TDRD10: variants seen among roughly 807,000 people sequenced by gnomAD.
TDRD10 encodes tudor domain containing 10.
Under a neutral mutation model 48.0 loss-of-function variants are expected in TDRD10, and 40 were observed. That is an observed-to-expected ratio of 0.83 (90% CI 0.65 to 1.09). TDRD10 has a LOEUF of 1.09. Among genes scored for constraint, TDRD10 ranks in the 50% least tolerant of loss-of-function variants. TDRD10 has a pLI of 0.00. For synonymous variants in TDRD10, 162 were observed against 170.4 expected, an observed-to-expected ratio of 0.95 and a Z score of 0.38; for missense variants, 378 against 434.7, an observed-to-expected ratio of 0.87 and a Z score of 1.16.
chr1:154,518,750 C>T (rs1693902339), intron 4 of TDRD10, among the ~76,000 whole-genome samples: 2 of 152,072 alleles, frequency 1.3e-5, no homozygotes, highest in South Asian at 2.1e-4. Context: ...GTACTTCATG[C>T]GTTGAAGGCC....
intron 6 of TDRD10, among the ~76,000 whole-genome samples, chr1:154,530,783 C>T (rs1036690739): frequency 4.0e-5 from 6 of 151,812 alleles, no homozygotes; most frequent in Non-Finnish European, 5.9e-5. Flanking sequence ...TTCCAGTCAC[C>T]GGTTCTTTCT....
intron 6 of TDRD10, among the ~76,000 whole-genome samples, chr1:154,522,184 A>G (rs1217710317): frequency 6.6e-6 from 1 of 152,102 alleles, no homozygotes; most frequent in Non-Finnish European, 1.5e-5. Flanking sequence ...CAGGGTTGCT[A>G]TATGGTGGTA....
chr1:154,512,708 T>C (rs1211480549), intron 4 of TDRD10, among the ~76,000 whole-genome samples: 1 of 152,226 alleles, frequency 6.6e-6, no homozygotes, highest in South Asian at 2.1e-4. Context: ...GGAGCTCTGA[T>C]TACCCAGTAG....
intron 1 of TDRD10, among the ~76,000 whole-genome samples, chr1:154,503,556 C>A (rs1219809747): frequency 6.6e-6 from 1 of 152,196 alleles, no homozygotes; most frequent in Non-Finnish European, 1.5e-5. Context: ...TCACTGCACT[C>A]CAGCCTGGGC....
intron 4 of TDRD10, among the ~76,000 whole-genome samples, chr1:154,514,315 C>G (rs1300439477): frequency 6.6e-6 from 1 of 152,112 alleles, no homozygotes; most frequent in Non-Finnish European, 1.5e-5. Flanking sequence ...TGAGGTTTAC[C>G]TGTTGATAGT....
At chr1:154,537,413 T>G (rs1288614134) in intron 6 of TDRD10, among the ~76,000 whole-genome samples, 2 of 152,250 alleles carry the variant, frequency 1.3e-5, no homozygotes, top group Admixed American at 6.5e-5. Context: ...TCTTTTTGTG[T>G]CTAGCACATA....
chr1:154,531,758 T>C (rs1447499314), intron 6 of TDRD10, among the ~76,000 whole-genome samples: 1 of 152,232 alleles, frequency 6.6e-6, no homozygotes, highest in Non-Finnish European at 1.5e-5. Context: ...TTCCCTTATC[T>C]GGCCCCACCC....
chr1:154,547,312 G>A, intron 11 of TDRD10, 97 bp from the exon 12 acceptor site: 3 of 1,325,256 alleles, frequency 2.3e-6, no homozygotes, highest in Non-Finnish European at 3.2e-6. Flanking sequence ...GGCGGCCAGA[G>A]CACTTTCCCT....
chr1:154,543,749 C>T (rs539198543), intron 8 of TDRD10, among the ~76,000 whole-genome samples: 6 of 152,300 alleles, frequency 3.9e-5, no homozygotes, highest in Admixed American at 3.3e-4. Context: ...CCCCTACGCC[C>T]CCAGAATGGC....
intron 1 of TDRD10, among the ~76,000 whole-genome samples, chr1:154,504,705 C>T (rs1440759486): frequency 6.6e-6 from 1 of 152,186 alleles, no homozygotes; most frequent in Admixed American, 6.5e-5. Context: ...CCTTTGCTCA[C>T]TTTTTAATTG....
Position 154,516,552 on chromosome 1 carries a change from G to T in TDRD10, c.142-3752G>T, listed in dbSNP as rs550108223. Among the ~76,000 whole-genome samples the T allele has an allele frequency of 4.7e-4, 71 of 152,232 alleles. 1 individual carries two copies. In the South Asian group the frequency reaches 4.8e-3, roughly 10 times the overall value. On this transcript the variant is annotated intron_variant, in intron 4 of 12. Coordinates refer to ENST00000368482, the MANE Select transcript of TDRD10 (RefSeq NM_182499.4). ...GTAGTTTTTTCTGGGAGACTGGGGGGCTGATGATGAGGAATAGGTAGTAGG... is the reference window on the plus strand; with the variant it reads ...GTAGTTTTTTCTGGGAGACTGGGGGTCTGATGATGAGGAATAGGTAGTAGG...
chr1:154,532,176 G>A (rs998076841), intron 6 of TDRD10, among the ~76,000 whole-genome samples: 1 of 152,206 alleles, frequency 6.6e-6, no homozygotes, highest in African/African-American at 2.4e-5. Context: ...CAGCGCAGGA[G>A]CCCATGGCGG....
intron 6 of TDRD10, among the ~76,000 whole-genome samples, chr1:154,534,388 T>C (rs1433318560): frequency 6.6e-6 from 1 of 152,258 alleles, no homozygotes; most frequent in Non-Finnish European, 1.5e-5. Context: ...GCACCTTTTG[T>C]AGGTGAAGAT....
At chr1:154,503,606 C>G (rs916846939) in intron 1 of TDRD10, among the ~76,000 whole-genome samples, 2 of 152,028 alleles carry the variant, frequency 1.3e-5, no homozygotes, top group African/African-American at 2.4e-5. Flanking sequence ...AAAAAACAAA[C>G]AAACAAAAAA....
chr1:154,502,292 C>T lies in TDRD10; in HGVS notation c.-765C>T, dbSNP rs1326664143. On this transcript the variant is annotated 5_prime_UTR_variant, in exon 1 of 13. Transcript: ENST00000368482. ...CGGGCGCCGGGGGCTTCCCCCTGCT[C>T]TTTCCTCCTGCGGTGGGAGAGGCCA... is the stretch of plus-strand genomic sequence containing the variant. 1 of 200,914 alleles carries T rather than the reference C, an allele frequency of 5.0e-6. No homozygotes were observed. Among genetic ancestry groups the T allele is most frequent in the Non-Finnish European group, 9.9e-6 (1 of 100,906 alleles). The allele number at this position is 200,914 out of a possible 1,614,324, so 12.4% of individuals were successfully genotyped here.
At chr1:154,532,172 A>C (rs535153250) in intron 6 of TDRD10, among the ~76,000 whole-genome samples, 1 of 152,296 alleles carries the variant, frequency 6.6e-6, no homozygotes, top group East Asian at 1.9e-4. Context: ...CAGGCAGCGC[A>C]GGAGCCCATG....
At chr1:154,520,109 T>A (rs1301244770) in intron 4 of TDRD10, among the ~76,000 whole-genome samples, 195 bp from the exon 5 acceptor site, 1 of 152,196 alleles carries the variant, frequency 6.6e-6, no homozygotes, top group African/African-American at 2.4e-5. Flanking sequence ...GCTGCTTGGC[T>A]GGTGAGCTTC....
chr1:154,512,029 G>GA (rs11312958), intron 4 of TDRD10, among the ~76,000 whole-genome samples: 73,905 of 147,426 alleles, frequency 0.5, 21,513 homozygotes, highest in East Asian at 0.76. Flanking sequence ...AACTGTGTCT[G>GA]AAAAAAAAAA....
At chr1:154,513,312 A>G (rs1268710572) in intron 4 of TDRD10, among the ~76,000 whole-genome samples, 1 of 152,252 alleles carries the variant, frequency 6.6e-6, no homozygotes, top group Non-Finnish European at 1.5e-5. Context: ...ATAATTAAAG[A>G]GAAGGAAGAA....
Sources: allele counts gnomAD v4.1 joint callset (sites outside exome capture counted in the v4.1 genomes callset), GRCh38; gene constraint gnomAD v4.1.1; transcripts MANE v1.5; gene names NCBI Gene and HGNC (gene_info 2026-07-23, HGNC 2026-07-21).